TMEM163: variants seen among roughly 807,000 people sequenced by gnomAD.
The protein encoded by TMEM163 is transmembrane protein 163.
Under a neutral mutation model 29.3 loss-of-function variants are expected in TMEM163, and 17 were observed. The observed-to-expected ratio is 0.58, with a 90% CI of 0.40 to 0.87. TMEM163 has a LOEUF of 0.87. Ranked by LOEUF, TMEM163 falls within the 40% of genes least tolerant of loss-of-function variation. The pLI is 0.00. For missense variants in TMEM163, 303 were observed against 381.5 expected, an observed-to-expected ratio of 0.79 and a Z score of 1.71; for synonymous variants, 157 against 160.6, an observed-to-expected ratio of 0.98 and a Z score of 0.17.
At chr2:134,548,333 G>A (rs1680835706) in intron 4 of TMEM163, among the ~76,000 whole-genome samples, 1 of 151,994 alleles carries the variant, frequency 6.6e-6, no homozygotes, top group South Asian at 2.1e-4. Flanking sequence ...AAGTCTTTAG[G>A]ATTTAGTGTG....
intron 4 of TMEM163, among the ~76,000 whole-genome samples, chr2:134,516,739 A>G (rs1680074870): frequency 6.8e-6 from 1 of 146,928 alleles, no homozygotes; most frequent in Non-Finnish European, 1.5e-5. Context: ...ATGCATATAT[A>G]TGCATATATA....
intron 2 of TMEM163, among the ~76,000 whole-genome samples, chr2:134,694,880 C>T (rs1008074926): frequency 2.6e-5 from 4 of 151,992 alleles, no homozygotes; most frequent in African/African-American, 7.3e-5. Flanking sequence ...AGAAATCTCC[C>T]GGGATAAATA....
chr2:134,459,788 T>A (rs1686492128), intron 6 of TMEM163, among the ~76,000 whole-genome samples: 1 of 146,384 alleles, frequency 6.8e-6, no homozygotes, highest in Non-Finnish European at 1.5e-5. Context: ...GGTCCTCCCC[T>A]GCATCCCCAC....
chr2:134,658,258 T>C (rs1266382235), intron 2 of TMEM163, among the ~76,000 whole-genome samples: 1 of 152,110 alleles, frequency 6.6e-6, no homozygotes, highest in African/African-American at 2.4e-5. Context: ...TTTAGTAACA[T>C]TCACTGTTCC....
chr2:134,701,792 C>T (rs529348220), intron 2 of TMEM163, among the ~76,000 whole-genome samples: 1 of 152,030 alleles, frequency 6.6e-6, no homozygotes, highest in East Asian at 1.9e-4. Flanking sequence ...GTGGCACATG[C>T]CTGTAATCCC....
intron 2 of TMEM163, among the ~76,000 whole-genome samples, chr2:134,686,590 G>A (rs758214371): frequency 1.2e-4 from 19 of 152,070 alleles, no homozygotes; most frequent in African/African-American, 1.9e-4. Flanking sequence ...CCAAAAAGGA[G>A]GTAGAATCAT....
intron 2 of TMEM163, among the ~76,000 whole-genome samples, chr2:134,651,940 T>A (rs1161148012): frequency 9.0e-6 from 1 of 111,442 alleles, no homozygotes; most frequent in Non-Finnish European, 1.7e-5. Context: ...CTGTTTTGGT[T>A]ACTGTAGCCT....
At chr2:134,525,252 A>C (rs1387469859) in intron 4 of TMEM163, among the ~76,000 whole-genome samples, 1 of 152,178 alleles carries the variant, frequency 6.6e-6, no homozygotes, top group Non-Finnish European at 1.5e-5. Flanking sequence ...TAGCAATGCA[A>C]ATTCTCAGCT....
At chr2:134,516,574 TATATATATATTC>T (rs1165755730) in intron 4 of TMEM163, among the ~76,000 whole-genome samples, 14 of 149,208 alleles carry the variant, frequency 9.4e-5, no homozygotes, top group African/African-American at 3.2e-4. Context: ...AATAAATAAA[TATATATATATTC>T]ATATATATTC....
rs1396797909 is a variant in TMEM163, at chr2:134,460,051, CCCT to C, written c.668-1881_668-1879del. Among the ~76,000 whole-genome samples the C allele has an allele frequency of 2.0e-5, 3 of 149,652 alleles. No homozygotes were observed. The Admixed American group carries it at 2.0e-4, about 10-fold the overall frequency. The stretch of plus-strand genomic sequence containing the variant: ...ATCTTCCCTTACACCACCAACCTGC[CCCT>C]CGAGCCCCTTGCCAGATGTTACCCC... On this transcript the variant is annotated intron_variant, in intron 6 of 7. Coordinates refer to ENST00000281924, the MANE Select transcript of TMEM163 (RefSeq NM_030923.5). The surrounding 1 kb of genome is among the most constrained non-coding windows in gnomAD (Gnocchi z 4.3).
At chr2:134,692,341 G>A (rs1204508872) in intron 2 of TMEM163, among the ~76,000 whole-genome samples, 1 of 152,170 alleles carries the variant, frequency 6.6e-6, no homozygotes, top group East Asian at 1.9e-4. Flanking sequence ...AACAGCCAGA[G>A]AAAATGAATA....
intron 5 of TMEM163, among the ~76,000 whole-genome samples, chr2:134,481,778 G>C (rs1679190279): frequency 6.6e-6 from 1 of 152,138 alleles, no homozygotes; most frequent in Non-Finnish European, 1.5e-5. Flanking sequence ...TACACATTCA[G>C]GTCAAAATAT....
At chr2:134,556,959 G>C (rs547268547) in intron 2 of TMEM163, among the ~76,000 whole-genome samples, 1 of 152,366 alleles carries the variant, frequency 6.6e-6, no homozygotes, top group East Asian at 1.9e-4. Context: ...GTCTGGAACA[G>C]GGGGAGTTCT....
At chr2:134,497,445 C>T (rs1679595160) in intron 5 of TMEM163, among the ~76,000 whole-genome samples, 1 of 151,912 alleles carries the variant, frequency 6.6e-6, no homozygotes, top group Non-Finnish European at 1.5e-5. Flanking sequence ...GAGTCTGGGC[C>T]CAGACACTGG....
intron 5 of TMEM163, among the ~76,000 whole-genome samples, chr2:134,501,510 C>T (rs1679696953): frequency 6.6e-6 from 1 of 152,140 alleles, no homozygotes; most frequent in Non-Finnish European, 1.5e-5. Flanking sequence ...AGAAAATGCC[C>T]ACCAACAAAC....
At chr2:134,690,464 T>G (rs1259779820) in intron 2 of TMEM163, among the ~76,000 whole-genome samples, 3 of 152,042 alleles carry the variant, frequency 2.0e-5, no homozygotes, top group Non-Finnish European at 4.4e-5. Context: ...TTTTTAATTT[T>G]TAGTAGAGAC....
At chr2:134,672,547 AT>A (rs898028176) in intron 2 of TMEM163, among the ~76,000 whole-genome samples, 5 of 148,576 alleles carry the variant, frequency 3.4e-5, no homozygotes, top group East Asian at 2.0e-4. Flanking sequence ...GGCTAATTTT[AT>A]TTTTTTTTTG....
intron 2 of TMEM163, among the ~76,000 whole-genome samples, chr2:134,621,750 G>T (rs916664048): frequency 6.6e-6 from 1 of 152,012 alleles, no homozygotes; most frequent in African/African-American, 2.4e-5. Context: ...AATTAGCCGG[G>T]CGTGGTGGCA....
chr2:134,494,365 A>G (rs1468727944), intron 5 of TMEM163, among the ~76,000 whole-genome samples: 1 of 152,190 alleles, frequency 6.6e-6, no homozygotes, highest in Non-Finnish European at 1.5e-5. Context: ...GATTGTTTTT[A>G]AAAACAATTA....
Sources: gnomAD v4.1 joint callset for allele counts (sites outside exome capture counted in the v4.1 genomes callset) on GRCh38, gnomAD v4.1.1 for gene constraint, Gnocchi (gnomAD v3.1) non-coding constraint, MANE v1.5 for transcripts, NCBI Gene and HGNC (gene_info 2026-07-23, HGNC 2026-07-21) for gene names.